Variants in STX8 observed in about 807,000 individuals in gnomAD.
The protein encoded by STX8 is syntaxin 8.
STX8 carries 23 observed loss-of-function variants against 37.5 expected under a neutral mutation model. The ratio of observed to expected loss-of-function variants is 0.61; its 90% CI spans 0.44 to 0.87. The LOEUF (loss-of-function observed/expected upper bound fraction) is 0.87, where lower values mean the gene tolerates loss of function less well. Ranked by LOEUF, STX8 falls within the 40% of genes least tolerant of loss-of-function variation. The pLI is 0.00. For missense variants in STX8, 313 were observed against 284.7 expected, an observed-to-expected ratio of 1.10 and a Z score of -0.71; for synonymous variants, 115 against 99.1, an observed-to-expected ratio of 1.16 and a Z score of -0.95.
At chr17:9,369,924 A>G (rs1911351963) in intron 7 of STX8, among the ~76,000 whole-genome samples, 1 of 150,878 alleles carries the variant, frequency 6.6e-6, no homozygotes, top group Non-Finnish European at 1.5e-5. Context: ...AGAAAAAAGA[A>G]AAAAAGCAAG....
At chr17:9,497,678 C>T (rs1314022260) in intron 5 of STX8, among the ~76,000 whole-genome samples, 2 of 152,180 alleles carry the variant, frequency 1.3e-5, no homozygotes, top group Non-Finnish European at 2.9e-5. Flanking sequence ...TCCCTAAGAG[C>T]TGCAACTACA....
intron 6 of STX8, among the ~76,000 whole-genome samples, chr17:9,418,374 G>C (rs146102651): frequency 3.9e-5 from 6 of 152,164 alleles, no homozygotes. Context: ...AAAACTAACA[G>C]TAAGTGTGGG....
chr17:9,292,531 T>C (rs1220528453), intron 7 of STX8, among the ~76,000 whole-genome samples: 1 of 152,164 alleles, frequency 6.6e-6, no homozygotes, highest in Non-Finnish European at 1.5e-5. Flanking sequence ...GCAGACAAAA[T>C]AAAGAGGAGG....
intron 6 of STX8, among the ~76,000 whole-genome samples, chr17:9,446,841 AGTTT>A (rs1904870591): frequency 1.3e-5 from 2 of 152,202 alleles, no homozygotes; most frequent in Non-Finnish European, 2.9e-5. Context: ...CTGCCAAAAC[AGTTT>A]GTTTTGTAAC....
rs767737881 is a variant in STX8 at position 9,393,824 on chromosome 17, G to C, written c.542-15171C>G. Reference sequence around the variant, plus strand: ...GTCAGTCAGTGGTTGTCAGGAGTTAGGAATGGGTGAGAGTATGGTCGGTTT... The same window carrying C: ...GTCAGTCAGTGGTTGTCAGGAGTTACGAATGGGTGAGAGTATGGTCGGTTT... On this transcript the variant is annotated intron_variant, in intron 6 of 7. Coordinates refer to ENST00000306357, the MANE Select transcript of STX8 (RefSeq NM_004853.3). Among the ~76,000 whole-genome samples the C allele has an allele frequency of 4.6e-5, 7 of 152,210 alleles. No homozygotes were observed. In the South Asian group the frequency reaches 1.4e-3, roughly 31 times the overall value.
rs114323024 is a variant in STX8 at position 9,468,843 on chromosome 17, G to A, written c.541+22986C>T. The stretch of plus-strand genomic sequence containing the variant: ...TTTCGGCACCCGGGCTTCCCAGGGG[G>A]CTGTCGTCAAAGCCAGCCGCTCCCT... On this transcript the variant is annotated intron_variant, in intron 6 of 7. Transcript: ENST00000306357. 1.9e-3 allele frequency among the ~76,000 whole-genome samples: 287 copies of A among 152,272 alleles called. 2 individuals are homozygous for A. Among genetic ancestry groups the A allele is most frequent in the African/African-American group, 6.4e-3 (266 of 41,564 alleles).
chr17:9,433,981 G>A (rs1597669809), intron 6 of STX8, among the ~76,000 whole-genome samples: 1 of 148,550 alleles, frequency 6.7e-6, no homozygotes, highest in African/African-American at 2.5e-5. Flanking sequence ...TGCTGCCTAG[G>A]GGGTAAAACG....
At chr17:9,546,884 A>C (rs1906549807) in intron 3 of STX8, among the ~76,000 whole-genome samples, 1 of 95,054 alleles carries the variant, frequency 1.1e-5, no homozygotes, top group Admixed American at 1.2e-4. Context: ...GGTGTGAGCC[A>C]GTGCGCCCAG....
chr17:9,314,426 C>T (rs1283099011), intron 7 of STX8, among the ~76,000 whole-genome samples: 1 of 152,032 alleles, frequency 6.6e-6, no homozygotes, highest in African/African-American at 2.4e-5. Context: ...GAGACGGAGT[C>T]TCACTCTCTC....
intron 7 of STX8, among the ~76,000 whole-genome samples, chr17:9,341,652 G>T (rs913538063): frequency 1.3e-5 from 2 of 152,136 alleles, no homozygotes; most frequent in South Asian, 2.1e-4. Context: ...GGCCAGGCTG[G>T]TCTCGAACTC....
chr17:9,522,012 A>G (rs1326536568), intron 4 of STX8, among the ~76,000 whole-genome samples: 1 of 152,226 alleles, frequency 6.6e-6, no homozygotes, highest in Non-Finnish European at 1.5e-5. Context: ...AGAAGAATAG[A>G]AATACAGGGT....
Position 9,506,407 on chromosome 17 carries a change from TCCCC to T in STX8, c.324-1249_324-1246del, listed in dbSNP as rs57490676. Among the ~76,000 whole-genome samples the T allele has an allele frequency of 5.6e-4, 22 of 39,360 alleles. 3 individuals are homozygous for T. The highest frequency in any genetic ancestry group is 0.031 in the Middle Eastern group (1 of 32). The allele number at this position is 39,360 out of a possible 152,430, so 25.8% of individuals were successfully genotyped here. ...TTAGAGTCAGCTGGTGCTCACCCGC[TCCCC>T]CCCCCCCCCACCCACCTTTCTTAGG... On this transcript the variant is annotated intron_variant, in intron 4 of 7. Transcript: ENST00000306357.
At chr17:9,383,458 G>A (rs760759741) in intron 6 of STX8, among the ~76,000 whole-genome samples, 4 of 152,146 alleles carry the variant, frequency 2.6e-5, no homozygotes, top group East Asian at 3.9e-4. Flanking sequence ...AAATAGAAAC[G>A]AAAGGGAACT....
chr17:9,336,986 TA>T (rs1249975049), intron 7 of STX8, among the ~76,000 whole-genome samples: 1 of 152,080 alleles, frequency 6.6e-6, no homozygotes, highest in African/African-American at 2.4e-5. Context: ...AAGTTTAAAG[TA>T]AAATGGAATG....
chr17:9,327,208 G>A (rs1325932158), intron 7 of STX8, among the ~76,000 whole-genome samples: 3 of 147,408 alleles, frequency 2.0e-5, no homozygotes, highest in Non-Finnish European at 3.0e-5. Context: ...AAGGAAGAAG[G>A]AGGAAGAAGG....
At chr17:9,360,975 T>C (rs1911042904) in intron 7 of STX8, among the ~76,000 whole-genome samples, 1 of 152,172 alleles carries the variant, frequency 6.6e-6, no homozygotes, top group Non-Finnish European at 1.5e-5. Flanking sequence ...AATTTGCTGC[T>C]AGTCCAGAGA....
intron 7 of STX8, among the ~76,000 whole-genome samples, chr17:9,348,524 T>G (rs1035691694): frequency 6.7e-6 from 1 of 148,884 alleles, no homozygotes; most frequent in African/African-American, 2.5e-5. Context: ...CTTTCCAGAC[T>G]GAGAAGTCCT....
At chr17:9,356,756 G>A (rs1384510961) in intron 7 of STX8, among the ~76,000 whole-genome samples, 1 of 152,112 alleles carries the variant, frequency 6.6e-6, no homozygotes, top group Admixed American at 6.5e-5. Context: ...AACGAGCAAG[G>A]CAGGCCTGCT....
rs149585945 is a variant in STX8 at position 9,536,373 on chromosome 17, C to A, written c.323+8799G>T. Reference sequence around the variant, plus strand: ...CCGAAGCCCTGACGGCATCACTGGGCTGTCAATCAACCCTCTCACTTCTCT... The same window carrying A: ...CCGAAGCCCTGACGGCATCACTGGGATGTCAATCAACCCTCTCACTTCTCT... On this transcript the variant is annotated intron_variant, in intron 4 of 7. Transcript: ENST00000306357. 5.9e-4 allele frequency among the ~76,000 whole-genome samples: 90 copies of A among 152,258 alleles called. 2 individuals carry two copies. Among genetic ancestry groups the A allele is most frequent in the African/African-American group, 2.0e-3 (84 of 41,548 alleles).
Sources: allele counts gnomAD v4.1 joint callset (sites outside exome capture counted in the v4.1 genomes callset), GRCh38; gene constraint gnomAD v4.1.1; transcripts MANE v1.5; gene names NCBI Gene and HGNC (gene_info 2026-07-23, HGNC 2026-07-21).